The following PPM1L variants were observed in gnomAD, a reference collection of about 807,000 sequenced individuals.
PPM1L encodes the protein protein phosphatase, Mg2+/Mn2+ dependent 1L, also known as protein phosphatase 1L.
PPM1L carries 13 observed loss-of-function variants against 31.4 expected under a neutral mutation model. That is an observed-to-expected ratio of 0.41 (90% CI 0.27 to 0.66). The LOEUF (loss-of-function observed/expected upper bound fraction) is 0.66. PPM1L is among the 30% of genes least tolerant of loss of function. PPM1L has a pLI of 0.29. For missense variants in PPM1L, 326 were observed against 453.7 expected (o/e 0.72, Z 2.56); for synonymous variants, 184 against 175.4 (o/e 1.05, Z -0.39).
intron 1 of PPM1L, among the ~76,000 whole-genome samples, chr3:160,821,947 A>G (rs1055174685): frequency 3.3e-5 from 5 of 152,028 alleles, no homozygotes; most frequent in Non-Finnish European, 5.9e-5. Context: ...TCGTTTAATT[A>G]TCTTGATAGT....
intron 1 of PPM1L, among the ~76,000 whole-genome samples, chr3:160,864,285 T>C (rs895709880): frequency 6.6e-6 from 1 of 152,196 alleles, no homozygotes; most frequent in African/African-American, 2.4e-5. Context: ...TGGGCTCAGG[T>C]GATCCCCCGC....
chr3:160,927,443 A>AT (rs1022266126), intron 1 of PPM1L, among the ~76,000 whole-genome samples: 2 of 151,840 alleles, frequency 1.3e-5, no homozygotes, highest in Admixed American at 6.6e-5. Context: ...CCTACATAGC[A>AT]TTTTTTTTCT....
chr3:160,953,932 C>G (rs1478036382), intron 1 of PPM1L, among the ~76,000 whole-genome samples: 1 of 152,164 alleles, frequency 6.6e-6, no homozygotes, highest in Non-Finnish European at 1.5e-5. Context: ...AAGCTTTGCT[C>G]ATGTGTTCTT....
intron 1 of PPM1L, among the ~76,000 whole-genome samples, chr3:160,856,222 C>T (rs924014825): frequency 6.6e-6 from 1 of 151,892 alleles, no homozygotes; most frequent in African/African-American, 2.4e-5. Context: ...TGTTGATCTC[C>T]TTTGGCAACA....
At chr3:161,043,176 C>T (rs751866293) in intron 2 of PPM1L, among the ~76,000 whole-genome samples, 3 of 151,806 alleles carry the variant, frequency 2.0e-5, no homozygotes, top group Non-Finnish European at 4.4e-5. Context: ...CCATGAGAAG[C>T]TTCATTTCTT....
rs535318181 is a variant in PPM1L, at chr3:160,922,407, A to G, written c.400-39329A>G. Among the ~76,000 whole-genome samples, 19 of 152,318 alleles carry G rather than the reference A, an allele frequency of 1.2e-4. No homozygotes were observed. The South Asian group carries it at 2.9e-3, about 23-fold the overall frequency. Reference sequence around the variant, plus strand: ...TATAGTTACTTTCTCAGGGATTTCAAAACAGGCATTGAGTCTTATATGTTC... The same window carrying G: ...TATAGTTACTTTCTCAGGGATTTCAGAACAGGCATTGAGTCTTATATGTTC... On this transcript the variant is annotated intron_variant, in intron 1 of 3. Coordinates refer to ENST00000498165, the MANE Select transcript of PPM1L (RefSeq NM_139245.4).
intron 1 of PPM1L, among the ~76,000 whole-genome samples, chr3:160,925,656 A>C (rs765391798): frequency 6.6e-6 from 1 of 152,192 alleles, no homozygotes; most frequent in African/African-American, 2.4e-5. Flanking sequence ...ATATGTTTTG[A>C]GAATACCTTA....
At chr3:160,935,601 C>A (rs1289466578) in intron 1 of PPM1L, among the ~76,000 whole-genome samples, 1 of 152,160 alleles carries the variant, frequency 6.6e-6, no homozygotes, top group Non-Finnish European at 1.5e-5. Flanking sequence ...CTGCGGCTCC[C>A]CTGTTTGTTT....
rs147096110 is a variant in PPM1L, at chr3:160,891,249, A to C, written c.400-70487A>C. 3.2e-3 allele frequency among the ~76,000 whole-genome samples: 482 copies of C among 152,280 alleles called. 2 individuals carry two copies. Among genetic ancestry groups the C allele is most frequent in the Admixed American group, 8.2e-3 (125 of 15,296 alleles). ...CATCTGACAGAGGTCTAATATCCAA[A>C]ATTTACAAGGAGCTTAAACAAATTT... is the stretch of plus-strand genomic sequence containing the variant. On this transcript the variant is annotated intron_variant, in intron 1 of 3. Transcript: ENST00000498165.
intron 1 of PPM1L, among the ~76,000 whole-genome samples, chr3:160,779,635 G>C (rs1711677898): frequency 1.3e-5 from 2 of 151,822 alleles, no homozygotes; most frequent in Admixed American, 1.3e-4. Context: ...CGATTCTCCT[G>C]CCTCCGCCTC....
At chr3:160,792,954 G>T (rs557195901) in intron 1 of PPM1L, among the ~76,000 whole-genome samples, 8 of 152,278 alleles carry the variant, frequency 5.3e-5, no homozygotes, top group Admixed American at 5.2e-4. Context: ...CCTCAATTTG[G>T]GGTTGTGTGA....
rs1184979495 is a variant in PPM1L, at chr3:160,822,411, A to G, written c.399+65704A>G. 2.6e-5 allele frequency among the ~76,000 whole-genome samples: 4 copies of G among 152,186 alleles called. No individual in the cohort carries two copies. The East Asian group carries it at 7.7e-4, about 29-fold the overall frequency. On this transcript the variant is annotated intron_variant, in intron 1 of 3. Coordinates refer to ENST00000498165, the MANE Select transcript of PPM1L (RefSeq NM_139245.4). ...CCTCTCATGATTACGGTCCTTGAAGAAAAAGTTCCTAAGGATATTTTATGT... is the reference window on the plus strand; with the variant it reads ...CCTCTCATGATTACGGTCCTTGAAGGAAAAGTTCCTAAGGATATTTTATGT...
At chr3:161,043,636 T>C (rs1410601822) in intron 2 of PPM1L, among the ~76,000 whole-genome samples, 2 of 152,176 alleles carry the variant, frequency 1.3e-5, no homozygotes, top group African/African-American at 4.8e-5. Flanking sequence ...CAATGTTGAA[T>C]TGGTTTCTTA....
chr3:160,785,010 A>C (rs1205623930), intron 1 of PPM1L, among the ~76,000 whole-genome samples: 2 of 152,344 alleles, frequency 1.3e-5, no homozygotes, highest in Non-Finnish European at 2.9e-5. Context: ...GAAACTTTCT[A>C]AGCCTTTGGC....
At chr3:161,009,179 G>A (rs971713341) in intron 2 of PPM1L, among the ~76,000 whole-genome samples, 2 of 152,144 alleles carry the variant, frequency 1.3e-5, no homozygotes, top group African/African-American at 4.8e-5. Flanking sequence ...TTTCTACAGT[G>A]TTTTTAATCA....
chr3:160,827,868 G>C (rs1713403259), intron 1 of PPM1L, among the ~76,000 whole-genome samples: 1 of 152,098 alleles, frequency 6.6e-6, no homozygotes, highest in Non-Finnish European at 1.5e-5. Context: ...CACTGCATCT[G>C]CTTGGCTTCT....
intron 1 of PPM1L, among the ~76,000 whole-genome samples, chr3:160,856,645 G>T (rs1362660534): frequency 6.6e-6 from 1 of 152,112 alleles, no homozygotes; most frequent in Non-Finnish European, 1.5e-5. Flanking sequence ...AGACACTGGG[G>T]CATACTTGGG....
At chr3:161,023,278 C>G (rs1718290177) in intron 2 of PPM1L, among the ~76,000 whole-genome samples, 1 of 151,632 alleles carries the variant, frequency 6.6e-6, no homozygotes, top group Non-Finnish European at 1.5e-5. Context: ...GTATTTCATC[C>G]CATTTTGTAA....
chr3:160,900,752 A>C (rs770887131), intron 1 of PPM1L, among the ~76,000 whole-genome samples: 1 of 151,332 alleles, frequency 6.6e-6, no homozygotes, highest in Non-Finnish European at 1.5e-5. Context: ...CCTGCTATAC[A>C]CTCCTTTCTT....
Sources: allele counts gnomAD v4.1 joint callset (sites outside exome capture counted in the v4.1 genomes callset), GRCh38; gene constraint gnomAD v4.1.1; transcripts MANE v1.5; gene names NCBI Gene and HGNC (gene_info 2026-07-23, HGNC 2026-07-21).